The following ZNF365 variants were observed in gnomAD, a reference collection of about 807,000 sequenced individuals.
ZNF365 encodes the protein protein ZNF365.
A neutral mutation model predicts 35.0 loss-of-function variants in ZNF365; 22 were observed. The ratio of observed to expected loss-of-function variants is 0.63; its 90% CI spans 0.45 to 0.90. The LOEUF (loss-of-function observed/expected upper bound fraction) is 0.90, where lower values mean the gene tolerates loss of function less well. ZNF365 is among the 40% of genes least tolerant of loss of function. The pLI is 0.00. For synonymous variants in ZNF365, 188 were observed against 196.2 expected (o/e 0.96, Z 0.35); for missense variants, 448 against 500.3 (o/e 0.90, Z 1.00).
rs1839837156 is a variant in ZNF365 at position 62,401,941 on chromosome 10, A to G, written c.*2152A>G. Reference sequence around the variant, plus strand: ...AAATGTTTTTTTACGTTCCCACTAAATTTTGACCCCATATAAAGAAATGTG... The same window carrying G: ...AAATGTTTTTTTACGTTCCCACTAAGTTTTGACCCCATATAAAGAAATGTG... On this transcript the variant is annotated 3_prime_UTR_variant, in exon 5 of 5. Coordinates refer to ENST00000395254, the MANE Select transcript of ZNF365 (RefSeq NM_014951.3). 1.0e-6 allele frequency: 1 copy of G among 985,414 alleles called. No homozygotes were observed. Among genetic ancestry groups the G allele is most frequent in the Non-Finnish European group, 1.2e-6 (1 of 829,902 alleles). 61.0% of individuals were successfully genotyped at this position (985,414 alleles called of 1,614,324 possible). A position where few individuals can be genotyped will look rare whatever the true frequency, so the allele number is the denominator to read the frequency against.
chr10:62,401,055 T>G lies in ZNF365; in HGVS notation c.*1266T>G, dbSNP rs1839819608. On this transcript the variant is annotated 3_prime_UTR_variant, in exon 5 of 5. Transcript: ENST00000395254. ...TATTTTTTCCTTAAATTTAGCAATA[T>G]CATCAGGTCTCTTGCAGAGTTTACA... 1.0e-6 allele frequency: 1 copy of G among 985,554 alleles called. No individual in the cohort carries two copies. Among genetic ancestry groups the G allele is most frequent in the Non-Finnish European group, 1.2e-6 (1 of 829,928 alleles). 61.1% of individuals were successfully genotyped at this position (985,554 alleles called of 1,614,324 possible). A position where few individuals can be genotyped will look rare whatever the true frequency, so the allele number is the denominator to read the frequency against.
At chr10:62,379,983 T>C (rs1839409459) in intron 2 of ZNF365, among the ~76,000 whole-genome samples, 1 of 152,174 alleles carries the variant, frequency 6.6e-6, no homozygotes, top group Non-Finnish European at 1.5e-5. Context: ...GTAGATTTGG[T>C]TTAAAAAAAA....
intron 3 of ZNF365, among the ~76,000 whole-genome samples, chr10:62,390,133 A>C (rs1839603253): frequency 6.6e-6 from 1 of 152,106 alleles, no homozygotes; most frequent in Non-Finnish European, 1.5e-5. Flanking sequence ...CTTCCGGTTT[A>C]TTCTTACTCT....
intron 3 of ZNF365, among the ~76,000 whole-genome samples, chr10:62,432,636 C>A (rs1225423523): frequency 6.6e-6 from 1 of 152,074 alleles, no homozygotes; most frequent in Non-Finnish European, 1.5e-5. Context: ...CTTTTAAGAC[C>A]ATTGTGAGTA....
intron 3 of ZNF365, among the ~76,000 whole-genome samples, chr10:62,446,019 C>T (rs892653683): frequency 6.6e-6 from 1 of 152,114 alleles, no homozygotes; most frequent in African/African-American, 2.4e-5. Flanking sequence ...CTTTTTTGAG[C>T]AGTTCCCACT....
intron 4 of ZNF365, among the ~76,000 whole-genome samples, chr10:62,477,029 G>C (rs749924239): frequency 6.6e-6 from 1 of 152,280 alleles, no homozygotes; most frequent in South Asian, 2.1e-4. Flanking sequence ...TCAGCATCTC[G>C]TTATTGAGTT....
At chr10:62,441,090 G>A (rs1330136520) in intron 3 of ZNF365, among the ~76,000 whole-genome samples, 3 of 152,050 alleles carry the variant, frequency 2.0e-5, no homozygotes, top group African/African-American at 4.8e-5. Flanking sequence ...TATCTACATT[G>A]TTTGGTTGAA....
chr10:62,376,919 G>A lies in ZNF365; in HGVS notation c.726G>A (p.Glu242=), dbSNP rs770888450. Residue 242 remains glutamate (E), a synonymous_variant, in exon 2 of 5, where the codon GAG becomes GAA. Transcript: ENST00000395254. ...AACGCCTGACGGAATCTGAGGAGGA[G>A]CTTCTTAGGAAAGAAGAGTAAGTGT... The part of the protein sequence containing the change: ...LRQRLTESEE[E]LLRKEEEVVT... 1.8e-5 allele frequency: 29 copies of A among 1,611,236 alleles called. No homozygotes were observed. In the East Asian group the frequency reaches 6.5e-4, roughly 36 times the overall value.
chr10:62,449,283 T>C (rs1840640483), intron 3 of ZNF365, among the ~76,000 whole-genome samples: 1 of 152,222 alleles, frequency 6.6e-6, no homozygotes, highest in Admixed American at 6.5e-5. Context: ...GTGATTTCTA[T>C]AAAAGTCAGA....
chr10:62,443,330 C>T (rs1186150988), intron 3 of ZNF365, among the ~76,000 whole-genome samples: 5 of 152,188 alleles, frequency 3.3e-5, no homozygotes, highest in Admixed American at 6.5e-5. Context: ...AACAGAGACC[C>T]TCAATGTCTG....
At chr10:62,386,285 G>C (rs1433154136) in intron 2 of ZNF365, among the ~76,000 whole-genome samples, 1 of 152,142 alleles carries the variant, frequency 6.6e-6, no homozygotes, top group African/African-American at 2.4e-5. Flanking sequence ...TGAAGACCTT[G>C]AAAAGTACAC....
At chr10:62,471,923 AG>A (rs1450307947) in intron 4 of ZNF365, among the ~76,000 whole-genome samples, 2 of 152,260 alleles carry the variant, frequency 1.3e-5, no homozygotes, top group African/African-American at 2.4e-5. Flanking sequence ...ATCAGCCATC[AG>A]GGACTCCTTA....
At chr10:62,417,978 C>A (rs1840101296) in intron 3 of ZNF365, among the ~76,000 whole-genome samples, 1 of 151,698 alleles carries the variant, frequency 6.6e-6, no homozygotes, top group African/African-American at 2.4e-5. Context: ...AAGGAGGGGA[C>A]AAGAATGGAA....
At chr10:62,467,316 T>A (rs895119628) in intron 4 of ZNF365, among the ~76,000 whole-genome samples, 3 of 152,216 alleles carry the variant, frequency 2.0e-5, no homozygotes, top group Non-Finnish European at 4.4e-5. Context: ...ATACCCTTGA[T>A]CTTTGACAGT....
At chr10:62,427,223 T>C (rs930429746) in intron 3 of ZNF365, among the ~76,000 whole-genome samples, 18 of 152,210 alleles carry the variant, frequency 1.2e-4, no homozygotes, top group African/African-American at 3.6e-4. Flanking sequence ...CATGATGATA[T>C]TTTGGTCAAC....
At chr10:62,426,045 C>T (rs998510704) in intron 3 of ZNF365, among the ~76,000 whole-genome samples, 2 of 152,070 alleles carry the variant, frequency 1.3e-5, no homozygotes, top group African/African-American at 4.8e-5. Flanking sequence ...GTTTTAATCC[C>T]TCCCTATATG....
intron 3 of ZNF365, among the ~76,000 whole-genome samples, chr10:62,430,790 G>A (rs962359810): frequency 1.3e-5 from 2 of 152,150 alleles, no homozygotes; most frequent in East Asian, 1.9e-4. Flanking sequence ...AGCTTGCTGG[G>A]TGGAATTTCT....
At chr10:62,417,092 G>C (rs1350823051) in intron 3 of ZNF365, among the ~76,000 whole-genome samples, 1 of 152,024 alleles carries the variant, frequency 6.6e-6, no homozygotes, top group Non-Finnish European at 1.5e-5. Context: ...ACCTCAGAAA[G>C]TATACTTACT....
chr10:62,376,976 A>T (rs777048005), intron 2 of ZNF365, 40 bp downstream of exon 2: 9 of 1,577,350 alleles, frequency 5.7e-6, no homozygotes, highest in Non-Finnish European at 7.7e-6. Context: ...CCATTGCTTT[A>T]AGCAGCACCC....
Sources: gnomAD v4.1 joint callset for allele counts (sites outside exome capture counted in the v4.1 genomes callset) on GRCh38, gnomAD v4.1.1 for gene constraint, MANE v1.5 for transcripts, NCBI Gene and HGNC (gene_info 2026-07-23, HGNC 2026-07-21) for gene names.